The following KCNH1 variants were observed in gnomAD, a reference collection of about 807,000 sequenced individuals.
The protein encoded by KCNH1 is voltage-gated delayed rectifier potassium channel KCNH1.
KCNH1 carries 27 observed loss-of-function variants against 69.2 expected under a neutral mutation model. That is an observed-to-expected ratio of 0.39 (90% CI 0.29 to 0.54). KCNH1 has a LOEUF of 0.54. Among genes scored for constraint, KCNH1 ranks in the 20% least tolerant of loss-of-function variants. The pLI is 0.68. For missense variants in KCNH1, 798 were observed against 1,261.6 expected, an observed-to-expected ratio of 0.63 and a Z score of 5.57; for synonymous variants, 456 against 487.7, an observed-to-expected ratio of 0.93 and a Z score of 0.86.
chr1:211,060,301 A>T (rs12117506), intron 5 of KCNH1, among the ~76,000 whole-genome samples: 1 of 146,990 alleles, frequency 6.8e-6, no homozygotes, highest in Non-Finnish European at 1.5e-5. Flanking sequence ...CAAATAAATA[A>T]CCTTATGATG....
chr1:210,868,032 G>A (rs930031866), intron 7 of KCNH1, among the ~76,000 whole-genome samples: 1 of 151,940 alleles, frequency 6.6e-6, no homozygotes, highest in Non-Finnish European at 1.5e-5. Context: ...AACAGAAGTG[G>A]AAACACTAGG....
chr1:211,085,686 G>A (rs35664000), intron 4 of KCNH1, among the ~76,000 whole-genome samples: 32,664 of 152,038 alleles, frequency 0.21, 3,691 homozygotes, highest in Non-Finnish European at 0.23. Context: ...TTTGGATGAC[G>A]ACTGGGGTGA....
intron 7 of KCNH1, among the ~76,000 whole-genome samples, chr1:210,887,348 G>C (rs1686635952): frequency 6.6e-6 from 1 of 152,144 alleles, no homozygotes; most frequent in Non-Finnish European, 1.5e-5. Flanking sequence ...CAAATGCTGA[G>C]AGATTTTGTT....
intron 5 of KCNH1, among the ~76,000 whole-genome samples, chr1:211,073,533 T>C (rs1164572311): frequency 6.6e-6 from 1 of 152,262 alleles, no homozygotes; most frequent in East Asian, 1.9e-4. Flanking sequence ...CAGGCCACAG[T>C]GGAATTAAAC....
At chr1:210,939,773 A>C (rs1158589094) in intron 6 of KCNH1, among the ~76,000 whole-genome samples, 1 of 152,176 alleles carries the variant, frequency 6.6e-6, no homozygotes, top group Admixed American at 6.5e-5. Context: ...TAGAATTTGA[A>C]CCCAGATCAA....
intron 5 of KCNH1, among the ~76,000 whole-genome samples, chr1:211,075,883 C>T (rs1449202361): frequency 6.6e-6 from 1 of 152,242 alleles, no homozygotes. Context: ...CACCCAAATA[C>T]TGTGCTTTTC....
chr1:210,986,042 CTTCT>C (rs1250452465), intron 6 of KCNH1, among the ~76,000 whole-genome samples: 4 of 152,084 alleles, frequency 2.6e-5, no homozygotes, highest in African/African-American at 9.7e-5. Flanking sequence ...ATGTAATGGC[CTTCT>C]TTGTCTCTTT....
chr1:211,034,281 C>T lies in KCNH1; in HGVS notation c.559-15025G>A, dbSNP rs180690502. Among the ~76,000 whole-genome samples the T allele has an allele frequency of 2.3e-3, 344 of 151,962 alleles. 4 individuals are homozygous for T. The Middle Eastern group carries it at 0.024, about 11-fold the overall frequency. On this transcript the variant is annotated intron_variant, in intron 5 of 10. Coordinates refer to ENST00000271751, the MANE Select transcript of KCNH1 (RefSeq NM_172362.3). ...AAAATATAAAAACTATTGATACATG[C>T]AGCAATCTGGATGAATCTCCAGAGA...
At chr1:210,814,614 G>A (rs777487271) in intron 7 of KCNH1, among the ~76,000 whole-genome samples, 8 of 152,152 alleles carry the variant, frequency 5.3e-5, no homozygotes, top group Non-Finnish European at 1.2e-4. Context: ...ACTAAGTCAA[G>A]TCATGAGAGC....
chr1:211,014,469 A>G (rs914262138), intron 6 of KCNH1, among the ~76,000 whole-genome samples: 3 of 152,344 alleles, frequency 2.0e-5, no homozygotes, highest in Middle Eastern at 3.4e-3. Context: ...ACATAAGTGA[A>G]ACAAGTTTAG....
chr1:210,999,131 A>G (rs1333481617), intron 6 of KCNH1, among the ~76,000 whole-genome samples: 1 of 152,226 alleles, frequency 6.6e-6, no homozygotes, highest in African/African-American at 2.4e-5. Flanking sequence ...AACTCATTCA[A>G]AAGCTAGCAG....
intron 7 of KCNH1, among the ~76,000 whole-genome samples, chr1:210,882,108 G>A (rs1686507309): frequency 6.6e-6 from 1 of 152,156 alleles, no homozygotes; most frequent in Admixed American, 6.5e-5. Context: ...TGATAATGGT[G>A]GAGGCTGTGC....
intron 6 of KCNH1, among the ~76,000 whole-genome samples, chr1:210,958,969 G>A (rs763651803): frequency 2.0e-5 from 3 of 152,156 alleles, no homozygotes; most frequent in Non-Finnish European, 2.9e-5. Context: ...GAGGAGCTGC[G>A]ATCCTTTGGA....
intron 6 of KCNH1, among the ~76,000 whole-genome samples, chr1:210,928,625 CAAAT>C (rs1241522483): frequency 2.0e-5 from 3 of 151,906 alleles, no homozygotes; most frequent in African/African-American, 7.3e-5. Context: ...TGAAAGAGCA[CAAAT>C]AGACACCTTA....
intron 10 of KCNH1, among the ~76,000 whole-genome samples, chr1:210,760,657 T>G (rs57519065): frequency 0.011 from 1,668 of 152,266 alleles, 78 homozygotes; most frequent in Admixed American, 0.076. Context: ...TACAGTTCCA[T>G]ATGGGGAGGC....
intron 1 of KCNH1, among the ~76,000 whole-genome samples, chr1:211,117,147 G>A (rs1428030402): frequency 6.6e-6 from 1 of 152,222 alleles, no homozygotes; most frequent in East Asian, 1.9e-4. Context: ...CACTGCTGAT[G>A]CTGTGTAAGC....
intron 5 of KCNH1, among the ~76,000 whole-genome samples, chr1:211,078,830 A>G (rs1174699622): frequency 6.7e-6 from 1 of 150,044 alleles, no homozygotes; most frequent in African/African-American, 2.4e-5. Flanking sequence ...AGGCAGTAGA[A>G]TGGCGTGAAC....
chr1:210,947,739 C>T (rs959486324), intron 6 of KCNH1, among the ~76,000 whole-genome samples: 4 of 152,086 alleles, frequency 2.6e-5, no homozygotes, highest in African/African-American at 9.7e-5. Context: ...AATAAATTAG[C>T]TTGGGCAAAA....
chr1:210,701,288 G>T lies in KCNH1; in HGVS notation c.2113-17150C>A, dbSNP rs115250816. Among the ~76,000 whole-genome samples the T allele has an allele frequency of 3.0e-3, 458 of 152,190 alleles. 1 individual carries two copies. Among genetic ancestry groups the T allele is most frequent in the Admixed American group, 4.6e-3 (70 of 15,290 alleles). ...GGGTCTCTTTATTTTGCCCAGGTTG[G>T]TCTTGAACTCCTAACCTTGAGCAAT... On this transcript the variant is annotated intron_variant, in intron 10 of 10. Transcript: ENST00000271751.
Sources: allele counts gnomAD v4.1 joint callset (sites outside exome capture counted in the v4.1 genomes callset), GRCh38; gene constraint gnomAD v4.1.1; transcripts MANE v1.5; gene names NCBI Gene and HGNC (gene_info 2026-07-23, HGNC 2026-07-21).